Variants in ERBB3 observed in about 807,000 individuals in gnomAD.
ERBB3 encodes the protein erb-b2 receptor tyrosine kinase 3.
ERBB3 carries 96 observed loss-of-function variants against 156.7 expected under a neutral mutation model. The observed-to-expected ratio is 0.61, with a 90% CI of 0.52 to 0.73. The LOEUF (loss-of-function observed/expected upper bound fraction) is 0.73, where lower values mean the gene tolerates loss of function less well. ERBB3 is among the 30% of genes least tolerant of loss of function. The pLI, the probability that ERBB3 is intolerant of heterozygous loss-of-function variation, is 0.00. For synonymous variants in ERBB3, 567 were observed against 632.0 expected, an observed-to-expected ratio of 0.90 and a Z score of 1.54; for missense variants, 1,406 against 1,709.4, an observed-to-expected ratio of 0.82 and a Z score of 3.13.
chr12:56,100,670 G>A (rs1370369299), intron 26 of ERBB3, among the ~76,000 whole-genome samples: 6 of 148,850 alleles, frequency 4.0e-5, no homozygotes, highest in Non-Finnish European at 7.4e-5. Flanking sequence ...GGCCAGGTGC[G>A]GTGGCTCACG....
intron 17 of ERBB3, 73 bp from the exon 18 acceptor site, chr12:56,096,430 C>A (rs149279640): frequency 1.9e-6 from 3 of 1,598,034 alleles, no homozygotes; most frequent in African/African-American, 2.7e-5. Flanking sequence ...TTGGCATTCA[C>A]CTATGAGGAG....
chr12:56,091,412 T>A (rs10876874), intron 9 of ERBB3, among the ~76,000 whole-genome samples: 45,590 of 99,536 alleles, frequency 0.46, 11,232 homozygotes, highest in East Asian at 0.6. Flanking sequence ...ATATATATAT[T>A]TTTTTTTTTT....
At position 56,095,610 on chromosome 12, in the gene ERBB3, A is replaced by G. The variant is rs75526830; in HGVS notation, c.1914-55A>G. ...TACCTTCAACACAAGTATAGTTGACATTTGTAAGGAAGATGCAAACCCAGG... is the reference window on the plus strand; with the variant it reads ...TACCTTCAACACAAGTATAGTTGACGTTTGTAAGGAAGATGCAAACCCAGG... On this transcript the variant is annotated intron_variant, in intron 16 of 27. Coordinates refer to ENST00000267101, the MANE Select transcript of ERBB3 (RefSeq NM_001982.4). 3.7e-3 allele frequency: 5,941 copies of G among 1,604,350 alleles called. 12 individuals carry two copies. The highest frequency in any genetic ancestry group is 4.7e-3 in the Non-Finnish European group (5,476 of 1,171,204).
At chr12:56,088,522 T>C (rs781143393) in intron 7 of ERBB3, 21 bp from the exon 8 acceptor site, 2 of 1,540,058 alleles carry the variant, frequency 1.3e-6, no homozygotes, top group East Asian at 2.2e-5. Flanking sequence ...TCTCTAATGG[T>C]GTCCTCCTCC....
At position 56,101,204 on chromosome 12, in the gene ERBB3, TAGGAGCCGGAGC is replaced by T. The variant is rs759781351; in HGVS notation, c.3358_3369del (p.Arg1120_Ser1123del). 52 of 1,613,904 alleles carry T rather than the reference TAGGAGCCGGAGC, an allele frequency of 3.2e-5. No individual in the cohort carries two copies. Among genetic ancestry groups the T allele is most frequent in the African/African-American group, 2.7e-4 (20 of 74,838 alleles). On this transcript the variant is annotated inframe_deletion, in exon 27 of 28. Transcript: ENST00000267101. ...AGCTCCAGGAGAAAGTGTCAATGTG[TAGGAGCCGGAGC>T]AGGAGCCGGAGCCCACGGCCACGCG...
At chr12:56,098,704 T>G (rs1167112741) in intron 22 of ERBB3, 55 bp from the exon 23 acceptor site, 1 of 1,607,954 alleles carries the variant, frequency 6.2e-7, no homozygotes, top group Non-Finnish European at 8.5e-7. Context: ...TTCCCTTCAC[T>G]TCATGCCCAT....
intron 1 of ERBB3, 43 bp from the exon 2 acceptor site, chr12:56,083,707 AT>A: frequency 6.2e-7 from 1 of 1,612,008 alleles, no homozygotes. Context: ...TGGGCTGAGA[AT>A]TTGTGTCCAG....
rs1407471487 is a variant in ERBB3 at position 56,101,569 on chromosome 12, T to C, written c.3543T>C (p.Gly1181=). Residue 1181 remains glycine (G), a synonymous_variant, in exon 28 of 28, where the codon GGT becomes GGC. Transcript: ENST00000267101. ...SSREGTLSSV[G]LSSVLGTEEE... The stretch of plus-strand genomic sequence containing the variant: ...GGGAAGGCACCCTTTCTTCAGTGGG[T>C]CTCAGTTCTGTCCTGGGTACTGAAG... 1.2e-6 allele frequency: 2 copies of C among 1,613,938 alleles called. No homozygotes were observed. The highest frequency in any genetic ancestry group is 2.2e-5 in the South Asian group (2 of 91,064).
intron 1 of ERBB3, 74 bp downstream of exon 1, chr12:56,080,456 T>G: frequency 8.0e-7 from 1 of 1,250,668 alleles, no homozygotes; most frequent in Non-Finnish European, 1.1e-6. Flanking sequence ...TCGGAGGGTA[T>G]GGGCACGGTC....
rs1246695293 is a variant in ERBB3 at position 56,091,415 on chromosome 12, T to A, written c.1110-1332T>A. On this transcript the variant is annotated intron_variant, in intron 9 of 27. Coordinates refer to ENST00000267101, the MANE Select transcript of ERBB3 (RefSeq NM_001982.4). ...GTGTGTGTATATATATATATATTTT[T>A]TTTTTTTTTTGAGACGGAGTCTCGC... Among the ~76,000 whole-genome samples, 63 of 79,328 alleles carry A rather than the reference T, an allele frequency of 7.9e-4. 1 individual carries two copies. The East Asian group carries it at 0.011, about 13-fold the overall frequency. The allele number at this position is 79,328 out of a possible 152,430, so 52.0% of individuals were successfully genotyped here.
intron 9 of ERBB3, among the ~76,000 whole-genome samples, chr12:56,091,576 G>A (rs568383978): frequency 6.6e-6 from 1 of 150,894 alleles, no homozygotes; most frequent in Non-Finnish European, 1.5e-5. Flanking sequence ...GAGCTCAAGT[G>A]ATCCTCCTGT....
intron 9 of ERBB3, among the ~76,000 whole-genome samples, chr12:56,091,485 G>A (rs798829): frequency 0.38 from 54,435 of 144,044 alleles, 11,202 homozygotes; most frequent in Non-Finnish European, 0.47. Context: ...CTCAGCTCAC[G>A]CAACCTCCAC....
Position 56,102,690 on chromosome 12 carries a change from C to T in ERBB3, c.*635C>T, listed in dbSNP as rs527249652. On this transcript the variant is annotated 3_prime_UTR_variant, in exon 28 of 28. Coordinates refer to ENST00000267101, the MANE Select transcript of ERBB3 (RefSeq NM_001982.4). ...TATCTCATTTTACACAAAGGGAAGT[C>T]GGGCATGGTGGCTCATGCCTGTAAT... 24 of 223,988 alleles carry T rather than the reference C, an allele frequency of 1.1e-4. No individual in the cohort carries two copies. Among genetic ancestry groups the T allele is most frequent in the Admixed American group, 2.3e-4 (4 of 17,210 alleles). The allele number at this position is 223,988 out of a possible 1,614,324, so 13.9% of individuals were successfully genotyped here.
rs928265316 is a variant in ERBB3 at position 56,095,437 on chromosome 12, A to T, written c.1913+127A>T. On this transcript the variant is annotated intron_variant, in intron 16 of 27. Coordinates refer to ENST00000267101, the MANE Select transcript of ERBB3 (RefSeq NM_001982.4). ...TATGTATGCAGTCCACTATCACTGG[A>T]CACTTGGGACTCAAGAATGCAGGCT... 3 of 911,370 alleles carry T rather than the reference A, an allele frequency of 3.3e-6. No homozygotes were observed. In the African/African-American group the frequency reaches 5.0e-5, roughly 15 times the overall value. The allele number at this position is 911,370 out of a possible 1,614,324, so 56.5% of individuals were successfully genotyped here.
At chr12:56,094,047 T>C (rs564128963) in intron 13 of ERBB3, 52 bp from the exon 14 acceptor site, 1 of 1,569,900 alleles carries the variant, frequency 6.4e-7, no homozygotes, top group East Asian at 2.2e-5. Flanking sequence ...GATCGGAGCA[T>C]GAAGGTCAGG....
rs907477911 is a variant in ERBB3, at chr12:56,102,166, G to C, written c.*111G>C. On this transcript the variant is annotated 3_prime_UTR_variant, in exon 28 of 28. Transcript: ENST00000267101. ...CCCAGGTCCCAGCCCCTTTTCCCCA[G>C]TCCCAGACAATTCCATTCAATCTTT... The C allele has an allele frequency of 4.1e-6, 4 of 965,912 alleles. No individual in the cohort carries two copies. The highest frequency in any genetic ancestry group is 6.5e-6 in the Non-Finnish European group (4 of 613,840). 59.8% of individuals were successfully genotyped at this position (965,912 alleles called of 1,614,324 possible).
rs77365107 is a variant in ERBB3, at chr12:56,087,951, G to C, written c.732+38G>C. On this transcript the variant is annotated intron_variant, in intron 6 of 27. Transcript: ENST00000267101. Reference sequence around the variant, plus strand: ...TCCATTGCCTGGGTTCTGAAATTGGGATGTGGCCTTTGAGGAGGAGGTAGG... The same window carrying C: ...TCCATTGCCTGGGTTCTGAAATTGGCATGTGGCCTTTGAGGAGGAGGTAGG... 2.1e-3 allele frequency: 3,453 copies of C among 1,613,680 alleles called. 51 individuals carry two copies. The African/African-American group carries it at 0.041, about 19-fold the overall frequency.
At chr12:56,086,690 C>T (rs79222157) in intron 4 of ERBB3, 34 bp downstream of exon 4, 2 of 1,613,064 alleles carry the variant, frequency 1.2e-6, no homozygotes, top group Admixed American at 3.3e-5. Flanking sequence ...CTCCCCAGTC[C>T]CACCAAACCA....
chr12:56,087,767 A>T (rs2136793551), intron 5 of ERBB3, 28 bp from the exon 6 acceptor site: 1 of 1,604,560 alleles, frequency 6.2e-7, no homozygotes, highest in Non-Finnish European at 8.5e-7. Context: ...TAGGAGCCCT[A>T]ACAGCCATGC....
Sources: allele counts gnomAD v4.1 joint callset (sites outside exome capture counted in the v4.1 genomes callset), GRCh38; gene constraint gnomAD v4.1.1; transcripts MANE v1.5; gene names NCBI Gene and HGNC (gene_info 2026-07-23, HGNC 2026-07-21).